THSD4: variants seen among roughly 807,000 people sequenced by gnomAD.
THSD4 encodes thrombospondin type-1 domain-containing protein 4.
In THSD4, 69 loss-of-function variants were observed where a neutral mutation model predicts 119.0. The observed-to-expected ratio is 0.58, with a 90% CI of 0.48 to 0.71. The LOEUF is 0.71. THSD4 is among the 30% of genes least tolerant of loss of function. The pLI, the probability that THSD4 is intolerant of heterozygous loss-of-function variation, is 0.00. For missense variants in THSD4, 1,393 were observed against 1,391.1 expected, an observed-to-expected ratio of 1.00 and a Z score of -0.02; for synonymous variants, 524 against 540.4, an observed-to-expected ratio of 0.97 and a Z score of 0.42.
At chr15:71,379,725 T>C (rs960445248) in intron 6 of THSD4, among the ~76,000 whole-genome samples, 2 of 152,022 alleles carry the variant, frequency 1.3e-5, no homozygotes, top group Non-Finnish European at 2.9e-5. Context: ...CCCAAAGTGC[T>C]GGGATTACAG....
At chr15:71,475,942 C>A (rs1045379640) in intron 7 of THSD4, among the ~76,000 whole-genome samples, 2 of 151,930 alleles carry the variant, frequency 1.3e-5, no homozygotes, top group African/African-American at 2.4e-5. Context: ...AAAAAAAATT[C>A]TTTATTTTTT....
intron 3 of THSD4, chr15:71,167,104 T>C (rs2043301223): frequency 6.6e-6 from 1 of 152,180 alleles, no homozygotes; most frequent in Non-Finnish European, 1.5e-5. Flanking sequence ...TATCAGAGCT[T>C]TGTGGAACTG....
chr15:71,225,314 T>C (rs1214058561), intron 4 of THSD4, among the ~76,000 whole-genome samples: 1 of 152,212 alleles, frequency 6.6e-6, no homozygotes, highest in Non-Finnish European at 1.5e-5. Context: ...TCAGCTCTTA[T>C]GAATGCTTTG....
At chr15:71,306,791 A>G (rs2045036519) in intron 6 of THSD4, among the ~76,000 whole-genome samples, 1 of 152,180 alleles carries the variant, frequency 6.6e-6, no homozygotes, top group South Asian at 2.1e-4. Context: ...AAAACATAAA[A>G]TTGCTTAACC....
At chr15:71,687,658 G>C (rs1036473080) in intron 8 of THSD4, among the ~76,000 whole-genome samples, 1 of 151,916 alleles carries the variant, frequency 6.6e-6, no homozygotes, top group Non-Finnish European at 1.5e-5. Context: ...GGAAGGCTGA[G>C]GCAGGAGAAT....
intron 4 of THSD4, among the ~76,000 whole-genome samples, chr15:71,234,266 G>A (rs754883247): frequency 1.3e-5 from 2 of 152,136 alleles, no homozygotes; most frequent in Non-Finnish European, 2.9e-5. Flanking sequence ...CCCAGCCCAG[G>A]CCACTGCATT....
intron 7 of THSD4, among the ~76,000 whole-genome samples, chr15:71,585,939 G>C (rs72739283): frequency 0.083 from 12,676 of 151,946 alleles, 627 homozygotes; most frequent in South Asian, 0.17. Flanking sequence ...TTTATAGTTT[G>C]TATTTCTTTA....
At chr15:71,109,670 C>T (rs1376018090) in intron 1 of THSD4, among the ~76,000 whole-genome samples, 2 of 151,364 alleles carry the variant, frequency 1.3e-5, no homozygotes, top group African/African-American at 4.9e-5. Context: ...CACCAAACTG[C>T]TGCTCATAAG....
chr15:71,743,931 A>T (rs2053283370), intron 11 of THSD4, among the ~76,000 whole-genome samples: 1 of 152,246 alleles, frequency 6.6e-6, no homozygotes, highest in African/African-American at 2.4e-5. Context: ...TTAGCAACAG[A>T]GATAAGACAG....
intron 6 of THSD4, among the ~76,000 whole-genome samples, chr15:71,350,032 A>G (rs928141467): frequency 2.0e-5 from 3 of 152,054 alleles, no homozygotes; most frequent in African/African-American, 7.2e-5. Context: ...GAGTAGCATG[A>G]TAATTAAATC....
Position 71,336,610 on chromosome 15 carries a change from T to C in THSD4, c.1016-75077T>C, listed in dbSNP as rs185450801. ...CATGTTCAAATCACTGAATTAGACT[T>C]TTTAAGAGACATAAAGTGTTATATT... On this transcript the variant is annotated intron_variant, in intron 6 of 17. Coordinates refer to ENST00000261862, the MANE Select transcript of THSD4 (RefSeq NM_024817.3). Among the ~76,000 whole-genome samples the C allele has an allele frequency of 1.9e-3, 286 of 152,360 alleles. 2 individuals carry two copies. The highest frequency in any genetic ancestry group is 2.8e-3 in the Non-Finnish European group (188 of 68,036).
intron 8 of THSD4, among the ~76,000 whole-genome samples, chr15:71,699,165 A>G (rs1004943459): frequency 1.3e-5 from 2 of 151,860 alleles, no homozygotes; most frequent in Non-Finnish European, 2.9e-5. Context: ...TGGTGATGTC[A>G]CAGTCTCTAA....
At chr15:71,732,292 A>T (rs925099513) in intron 10 of THSD4, 4 of 152,280 alleles carry the variant, frequency 2.6e-5, no homozygotes, top group Non-Finnish European at 5.9e-5. Flanking sequence ...GTTTCTGTTA[A>T]TAATACTTTG....
intron 7 of THSD4, among the ~76,000 whole-genome samples, chr15:71,586,860 A>G (rs1430092080): frequency 6.6e-6 from 1 of 152,204 alleles, no homozygotes; most frequent in Non-Finnish European, 1.5e-5. Flanking sequence ...CATTCGTTAA[A>G]GGAAGCTGCT....
chr15:71,443,360 C>A (rs2047135459), intron 7 of THSD4, among the ~76,000 whole-genome samples: 1 of 152,194 alleles, frequency 6.6e-6, no homozygotes, highest in African/African-American at 2.4e-5. Flanking sequence ...TATCCTTTCT[C>A]TCTGCAGGTC....
chr15:71,212,157 CTTTCTG>C, intron 3 of THSD4, among the ~76,000 whole-genome samples: 1 of 152,136 alleles, frequency 6.6e-6, no homozygotes, highest in Non-Finnish European at 1.5e-5. Flanking sequence ...CTTCCTTTCT[CTTTCTG>C]TTTCTACTCC....
rs749209133 is a variant in THSD4 at position 71,748,459 on chromosome 15, T to C, written c.2280T>C (p.Asp760=). ...VPCGVGQRTR[D]VKCVSNIGDV... is the part of the protein sequence containing the mutation. ...GCGGCGTGGGACAGAGGACCCGTGA[T>C]GTGAAGTGTGTGAGCAACATTGGGG... The change falls in exon 14 of 18, where the codon GAT becomes GAC. Residue 760 remains aspartate, a synonymous_variant. Transcript: ENST00000261862. 3 of 1,614,148 alleles carry C rather than the reference T, an allele frequency of 1.9e-6. No individual in the cohort carries two copies. Among genetic ancestry groups the C allele is most frequent in the Non-Finnish European group, 2.5e-6 (3 of 1,180,020 alleles).
intron 6 of THSD4, among the ~76,000 whole-genome samples, chr15:71,302,022 G>A (rs1186659100): frequency 1.3e-5 from 2 of 152,196 alleles, no homozygotes; most frequent in Admixed American, 6.5e-5. Flanking sequence ...GACTAGGTCT[G>A]CCTGTGGGAG....
chr15:71,172,046 T>G (rs2043370321), intron 3 of THSD4: 1 of 152,100 alleles, frequency 6.6e-6, no homozygotes, highest in Non-Finnish European at 1.5e-5. Context: ...AATGGAATCC[T>G]AAAAATATTC....
Sources: gnomAD v4.1 joint callset for allele counts (sites outside exome capture counted in the v4.1 genomes callset) on GRCh38, gnomAD v4.1.1 for gene constraint, MANE v1.5 for transcripts, NCBI Gene and HGNC (gene_info 2026-07-23, HGNC 2026-07-21) for gene names.